RAD17: variants seen among roughly 807,000 people sequenced by gnomAD.
RAD17 encodes RAD17 checkpoint clamp loader component.
RAD17 carries 31 observed loss-of-function variants against 81.5 expected under a neutral mutation model. The ratio of observed to expected loss-of-function variants is 0.38; its 90% CI spans 0.29 to 0.51. The LOEUF is 0.51. RAD17 is among the 20% of genes least tolerant of loss of function. The pLI is 0.88. For synonymous variants in RAD17, 261 were observed against 266.2 expected, an observed-to-expected ratio of 0.98 and a Z score of 0.19; for missense variants, 681 against 781.2, an observed-to-expected ratio of 0.87 and a Z score of 1.53.
chr5:69,376,663 C>A (rs375732090), intron 6 of RAD17, among the ~76,000 whole-genome samples: 1 of 152,272 alleles, frequency 6.6e-6, no homozygotes, highest in Non-Finnish European at 1.5e-5. Context: ...TCACTAACAC[C>A]CAGAGTCCAT....
intron 17 of RAD17, among the ~76,000 whole-genome samples, chr5:69,406,961 A>G (rs1314664476): frequency 6.6e-6 from 1 of 150,544 alleles, no homozygotes; most frequent in Non-Finnish European, 1.5e-5. Flanking sequence ...AATATATACA[A>G]TTTTGTTTGT....
chr5:69,410,290 G>C (rs1765885424), intron 17 of RAD17, among the ~76,000 whole-genome samples: 1 of 152,106 alleles, frequency 6.6e-6, no homozygotes, highest in African/African-American at 2.4e-5. Flanking sequence ...AAGGGTTCCA[G>C]CTTCTCCACA....
intron 6 of RAD17, among the ~76,000 whole-genome samples, chr5:69,376,741 G>A (rs1244740653): frequency 6.9e-6 from 1 of 145,016 alleles, no homozygotes; most frequent in Non-Finnish European, 1.5e-5. Context: ...TAGTTGCTTT[G>A]ATGGTAACAG....
At chr5:69,408,713 G>T (rs147996103) in intron 17 of RAD17, among the ~76,000 whole-genome samples, 46 of 152,070 alleles carry the variant, frequency 3.0e-4, no homozygotes, top group African/African-American at 1.0e-3. Flanking sequence ...GTTTCACCAT[G>T]TTAGCCAGGT....
intron 13 of RAD17, among the ~76,000 whole-genome samples, chr5:69,392,587 T>C (rs1764614534): frequency 6.6e-6 from 1 of 152,190 alleles, no homozygotes; most frequent in South Asian, 2.1e-4. Context: ...GGAAAGAAAT[T>C]AGGATTTCTA....
chr5:69,377,115 T>C (rs1382175601), intron 6 of RAD17, among the ~76,000 whole-genome samples: 1 of 152,054 alleles, frequency 6.6e-6, no homozygotes. Context: ...CCTTTTGGTT[T>C]AGGGCTAAGA....
In RAD17 at chr5:69,377,570, T is replaced by G. The variant is rs369187102; in HGVS notation, c.351+2859T>G. On this transcript the variant is annotated intron_variant, in intron 6 of 18. Coordinates refer to ENST00000354868, the MANE Select transcript of RAD17 (RefSeq NM_133338.3). ...ATATGCATATATATGTATATATATA[T>G]GCATATATATGTATACATATATATA... 1.3e-4 allele frequency among the ~76,000 whole-genome samples: 4 copies of G among 31,304 alleles called. 2 individuals carry two copies. Among genetic ancestry groups the G allele is most frequent in the Admixed American group, 7.3e-4 (2 of 2,734 alleles). 20.5% of individuals were successfully genotyped at this position (31,304 alleles called of 152,430 possible).
intron 6 of RAD17, 81 bp from the exon 7 acceptor site, chr5:69,381,820 T>C: frequency 2.0e-6 from 2 of 1,010,212 alleles, no homozygotes; most frequent in Non-Finnish European, 2.8e-6. Flanking sequence ...GAAGTAAATA[T>C]ATTTAGAATG....
intron 7 of RAD17, among the ~76,000 whole-genome samples, chr5:69,383,444 G>T: frequency 6.6e-6 from 1 of 151,464 alleles, no homozygotes. Context: ...GAGTGCAGTG[G>T]TTTGTCTCAC....
upstream of RAD17, chr5:69,369,310 G>C (rs1429200741): frequency 5.5e-6 from 3 of 546,946 alleles, no homozygotes; most frequent in East Asian, 8.7e-5. Context: ...ACGCCCGCGA[G>C]GGTCGGCTCC....
chr5:69,387,124 T>G (rs1296344994), intron 11 of RAD17, among the ~76,000 whole-genome samples: 1 of 152,034 alleles, frequency 6.6e-6, no homozygotes, highest in African/African-American at 2.4e-5. Context: ...AGGGTCTCTC[T>G]GTGTTGCCCA....
intron 18 of RAD17, among the ~76,000 whole-genome samples, chr5:69,413,191 C>T (rs905573026): frequency 2.6e-5 from 4 of 151,334 alleles, no homozygotes; most frequent in East Asian, 2.0e-4. Context: ...TTGTAATCCC[C>T]GCACTTTGGG....
At chr5:69,404,684 G>T (rs1236408679) in intron 17 of RAD17, among the ~76,000 whole-genome samples, 1 of 151,678 alleles carries the variant, frequency 6.6e-6, no homozygotes, top group Non-Finnish European at 1.5e-5. Context: ...CAGGAGAATT[G>T]CTTGAACCCG....
At chr5:69,371,361 G>A (rs945334892) in intron 2 of RAD17, 93 bp from the exon 3 acceptor site, 32 of 488,838 alleles carry the variant, frequency 6.5e-5, no homozygotes, top group African/African-American at 6.1e-4. Flanking sequence ...AGCCTTTATT[G>A]TATTGTTGAT....
At chr5:69,396,978 G>A (rs1195815816) in intron 16 of RAD17, among the ~76,000 whole-genome samples, 1 of 150,622 alleles carries the variant, frequency 6.6e-6, no homozygotes, top group African/African-American at 2.4e-5. Flanking sequence ...GATTACAGGC[G>A]CCAGCCACCA....
intron 16 of RAD17, among the ~76,000 whole-genome samples, chr5:69,397,452 A>G (rs1350510257): frequency 2.0e-5 from 3 of 152,062 alleles, no homozygotes; most frequent in Non-Finnish European, 2.9e-5. Flanking sequence ...GCATAGTTAT[A>G]TTTCAGTTTC....
intron 18 of RAD17, 145 bp from the exon 19 acceptor site, chr5:69,413,885 GT>G: frequency 1.0e-6 from 1 of 965,804 alleles, no homozygotes; most frequent in Admixed American, 2.5e-5. Context: ...CATTTACCTT[GT>G]AGTTTTGTTT....
rs778239589 is a variant in RAD17 at position 69,386,458 on chromosome 5, C to T, written c.887C>T (p.Ala296Val). The T allele has an allele frequency of 6.3e-7, 1 of 1,591,714 alleles. No individual in the cohort carries two copies. Among genetic ancestry groups the T allele is most frequent in the East Asian group, 2.3e-5 (1 of 44,384 alleles). Residue 296 changes from alanine to valine, a missense_variant, in exon 11 of 19, where the codon GCT (alanine) becomes GTT (valine). Transcript: ENST00000354868. The part of the protein sequence containing the change: ...KFLNRIVTIE[A>V]NKNGGKITVP... ...CTTAATCGAATAGTGACTATAGAAG[C>T]TAACAAGGTAAGTCTCTGATTAATT...
intron 17 of RAD17, among the ~76,000 whole-genome samples, chr5:69,404,591 A>G (rs1765474070): frequency 6.6e-6 from 1 of 152,020 alleles, no homozygotes; most frequent in Non-Finnish European, 1.5e-5. Context: ...AACATGGCAA[A>G]ACCCCACCTG....
Sources: allele counts gnomAD v4.1 joint callset (sites outside exome capture counted in the v4.1 genomes callset), GRCh38; gene constraint gnomAD v4.1.1; transcripts MANE v1.5; gene names NCBI Gene and HGNC (gene_info 2026-07-23, HGNC 2026-07-21).